Variants in UGT1A10 observed in about 807,000 individuals in gnomAD.
UGT1A10 encodes UDP-glucuronosyltransferase 1A10.
In UGT1A10, 49 loss-of-function variants were observed where a neutral mutation model predicts 45.8. The ratio of observed to expected loss-of-function variants is 1.07; its 90% confidence interval spans 0.85 to 1.36. The LOEUF (loss-of-function observed/expected upper bound fraction) is 1.36, where lower values mean the gene tolerates loss of function less well. UGT1A10 is among the 40% of genes most tolerant of loss of function. The probability of loss-of-function intolerance (pLI) is 0.00; values close to 1 mark genes in which losing one functional copy is unlikely to be tolerated. For synonymous variants in UGT1A10, 284 were observed against 249.7 expected (o/e 1.14, Z -1.29); for missense variants, 745 against 668.6 (o/e 1.11, Z -1.26).
intron 1 of UGT1A10, chr2:233,747,201 G>A: frequency 3.7e-6 from 6 of 1,604,878 alleles, no homozygotes; most frequent in Non-Finnish European, 4.3e-6. Flanking sequence ...AGCTGTCCGT[G>A]TCTTCTGCTG....
At chr2:233,718,901 G>A (rs377204506) in intron 1 of UGT1A10, 4 of 1,613,882 alleles carry the variant, frequency 2.5e-6, no homozygotes, top group African/African-American at 1.3e-5. Flanking sequence ...CCTGGGCTGA[G>A]AGTGGAAAGG....
At chr2:233,757,539 T>TATATACATATACATAC (rs762018928) in intron 1 of UGT1A10, among the ~76,000 whole-genome samples, 3 of 115,748 alleles carry the variant, frequency 2.6e-5, no homozygotes, top group Admixed American at 2.5e-4. Context: ...GTAAGGAATA[T>TATATACATATACATAC]ATATATATAT....
intron 1 of UGT1A10, among the ~76,000 whole-genome samples, chr2:233,669,009 A>T (rs983650338): frequency 6.6e-6 from 1 of 152,210 alleles, no homozygotes; most frequent in East Asian, 1.9e-4. Context: ...TTATGGTAAC[A>T]CAGGGGTTAT....
intron 1 of UGT1A10, among the ~76,000 whole-genome samples, chr2:233,753,965 T>C (rs1263394667): frequency 6.6e-6 from 1 of 152,232 alleles, no homozygotes; most frequent in East Asian, 1.9e-4. Flanking sequence ...ATTAAGAGAA[T>C]AACGTGTGTT....
intron 1 of UGT1A10, among the ~76,000 whole-genome samples, chr2:233,748,516 C>G (rs60390282): frequency 6.6e-6 from 1 of 151,670 alleles, no homozygotes; most frequent in Non-Finnish European, 1.5e-5. Flanking sequence ...TCCTGTCTTG[C>G]GAATGATAGA....
At chr2:233,703,792 A>T (rs2075753488) in intron 1 of UGT1A10, among the ~76,000 whole-genome samples, 1 of 142,782 alleles carries the variant, frequency 7.0e-6, no homozygotes, top group African/African-American at 2.5e-5. Context: ...CTTGTTTTTA[A>T]TGCAGTCTGA....
intron 1 of UGT1A10, among the ~76,000 whole-genome samples, chr2:233,654,613 A>G (rs1421406137): frequency 6.6e-6 from 1 of 152,260 alleles, no homozygotes; most frequent in Non-Finnish European, 1.5e-5. Flanking sequence ...CCACAGCCCT[A>G]TAAAATGCAA....
rs1249331325 is a variant in UGT1A10 at position 233,743,910 on chromosome 2, C to T, written c.856-23124C>T. ...GGCACGTCCAGCACCTCGTAGTAGT[C>T]CACCATGCTGGATGGCCAGAACGGC... On this transcript the variant is annotated intron_variant, in intron 1 of 4. Coordinates refer to ENST00000344644, the MANE Select transcript of UGT1A10 (RefSeq NM_019075.4). The T allele has an allele frequency of 1.3e-5, 18 of 1,365,836 alleles. No homozygotes were observed. In the South Asian group the frequency reaches 2.0e-4, roughly 16 times the overall value. The allele number at this position is 1,365,836 out of a possible 1,614,324, so 84.6% of individuals were successfully genotyped here.
At chr2:233,679,943 C>T (rs944629060) in intron 1 of UGT1A10, among the ~76,000 whole-genome samples, 6 of 152,200 alleles carry the variant, frequency 3.9e-5, no homozygotes, top group Admixed American at 1.3e-4. Context: ...CAAAAAGATG[C>T]GAGGTTTGGC....
Position 233,768,202 on chromosome 2 carries a change from C to A in UGT1A10, c.1076-18C>A. 6.2e-7 allele frequency: 1 copy of A among 1,614,156 alleles called. No individual in the cohort carries two copies. On this transcript the variant is annotated intron_variant, in intron 3 of 4. Transcript: ENST00000344644. ...TCAGAGATGTAACTGCTGACATCCT[C>A]CCTATTTTGCATCTCAGGTCACCCG...
chr2:233,765,587 C>T (rs1353703058), intron 1 of UGT1A10, among the ~76,000 whole-genome samples: 1 of 151,970 alleles, frequency 6.6e-6, no homozygotes, highest in East Asian at 1.9e-4. Context: ...AGGGGAACAA[C>T]ACACACCAGG....
At position 233,672,865 on chromosome 2, in the gene UGT1A10, GATTTGAC is replaced by G; in HGVS notation, c.855+35493_855+35499del. ...AAAAAAGGATTCTTTACTGAACTGTGATTTGACATTTTCATTTGTTTCATTTCAAATT... is the reference window on the plus strand; with the variant it reads ...AAAAAAGGATTCTTTACTGAACTGTGATTTTCATTTGTTTCATTTCAAATT... On this transcript the variant is annotated intron_variant, in intron 1 of 4. Transcript: ENST00000344644. The G allele has an allele frequency of 2.0e-6, 3 of 1,520,894 alleles. No individual in the cohort carries two copies. The Middle Eastern group carries it at 5.3e-4, about 270-fold the overall frequency. The allele number at this position is 1,520,894 out of a possible 1,614,324, so 94.2% of individuals were successfully genotyped here.
chr2:233,752,761 A>G (rs1341964292), intron 1 of UGT1A10, among the ~76,000 whole-genome samples: 3 of 152,266 alleles, frequency 2.0e-5, no homozygotes, highest in African/African-American at 7.2e-5. Context: ...AAACAAACAA[A>G]CAAACAAACA....
At chr2:233,754,396 G>A (rs1026750148) in intron 1 of UGT1A10, 5 of 330,592 alleles carry the variant, frequency 1.5e-5, no homozygotes, top group East Asian at 7.7e-5. Context: ...GGTCCTATCC[G>A]TGCAGTCCCA....
intron 1 of UGT1A10, chr2:233,693,944 G>T: frequency 6.3e-7 from 1 of 1,599,222 alleles, no homozygotes; most frequent in Non-Finnish European, 8.5e-7. Flanking sequence ...TCCTTGAGCC[G>T]ACTGTCCCTT....
chr2:233,751,854 T>C (rs1435480079), intron 1 of UGT1A10, among the ~76,000 whole-genome samples: 3 of 152,196 alleles, frequency 2.0e-5, no homozygotes, highest in Non-Finnish European at 4.4e-5. Context: ...TAAACCTTTG[T>C]CTTTTATAAA....
At chr2:233,709,645 G>C (rs919625647) in intron 1 of UGT1A10, among the ~76,000 whole-genome samples, 1 of 152,178 alleles carries the variant, frequency 6.6e-6, no homozygotes, top group Non-Finnish European at 1.5e-5. Context: ...TCTTGGAATA[G>C]GTAGGGCTTT....
chr2:233,687,647 A>G (rs1455548663), intron 1 of UGT1A10, among the ~76,000 whole-genome samples: 1 of 151,938 alleles, frequency 6.6e-6, no homozygotes, highest in Non-Finnish European at 1.5e-5. Context: ...TCACACATGT[A>G]ATCACAGCAC....
chr2:233,648,360 C>T (rs565537545), intron 1 of UGT1A10: 3 of 408,184 alleles, frequency 7.3e-6, no homozygotes, highest in East Asian at 5.6e-5. Context: ...TTTGACATTA[C>T]CTTGAAGAAG....
Sources: allele counts gnomAD v4.1 joint callset (sites outside exome capture counted in the v4.1 genomes callset), GRCh38; gene constraint gnomAD v4.1.1; transcripts MANE v1.5; gene names NCBI Gene and HGNC (gene_info 2026-07-23, HGNC 2026-07-21).